Variants in GPR158 observed in about 807,000 individuals in gnomAD.
GPR158 encodes the protein metabotropic glycine receptor.
Under a neutral mutation model 78.2 loss-of-function variants are expected in GPR158, and 30 were observed. The observed-to-expected ratio is 0.38, with a 90% CI of 0.29 to 0.52. GPR158 has a LOEUF of 0.52. GPR158 is among the 20% of genes least tolerant of loss of function. The pLI, the probability that GPR158 is intolerant of heterozygous loss-of-function variation, is 0.83. For synonymous variants in GPR158, 581 were observed against 591.1 expected (o/e 0.98, Z 0.25); for missense variants, 1,463 against 1,523.5 (o/e 0.96, Z 0.66).
At chr10:25,278,051 G>C (rs1276129682) in intron 2 of GPR158, among the ~76,000 whole-genome samples, 1 of 152,110 alleles carries the variant, frequency 6.6e-6, no homozygotes, top group Non-Finnish European at 1.5e-5. Flanking sequence ...AAAATTCCTA[G>C]GGACTGAGTT....
chr10:25,473,954 T>C (rs932270433), intron 5 of GPR158, among the ~76,000 whole-genome samples: 2 of 152,098 alleles, frequency 1.3e-5, no homozygotes, highest in African/African-American at 4.8e-5. Context: ...AAAATGGACT[T>C]TGCTGATATG....
At chr10:25,565,271 TA>T (rs1286271504) in intron 6 of GPR158, among the ~76,000 whole-genome samples, 1 of 152,188 alleles carries the variant, frequency 6.6e-6, no homozygotes, top group Non-Finnish European at 1.5e-5. Context: ...GGAAGATTTA[TA>T]AGGGTACAGG....
At chr10:25,442,127 T>A (rs958810967) in intron 4 of GPR158, among the ~76,000 whole-genome samples, 3 of 152,196 alleles carry the variant, frequency 2.0e-5, no homozygotes, top group Admixed American at 2.0e-4. Flanking sequence ...GGAAAGCCCT[T>A]GATTAAACTA....
At chr10:25,311,231 G>T (rs1438750407) in intron 2 of GPR158, among the ~76,000 whole-genome samples, 1 of 151,002 alleles carries the variant, frequency 6.6e-6, no homozygotes, top group East Asian at 1.9e-4. Context: ...ATTTTTTTTG[G>T]AATAGTATCA....
In GPR158 at chr10:25,599,303, G is replaced by C. The variant is rs1304754825; in HGVS notation, c.*29G>C. 2 of 1,506,320 alleles carry C rather than the reference G, an allele frequency of 1.3e-6. No homozygotes were observed. Among genetic ancestry groups the C allele is most frequent in the East Asian group, 2.3e-5 (1 of 44,164 alleles). 93.3% of individuals were successfully genotyped at this position (1,506,320 alleles called of 1,614,324 possible). A position where few individuals can be genotyped will look rare whatever the true frequency, so the allele number is the denominator to read the frequency against. ...CTCCAGGAAGAAGAGGAAAAGGAGG[G>C]AACCCCGGATTGGATATGAGACAGA... On this transcript the variant is annotated 3_prime_UTR_variant, in exon 11 of 11. Transcript: ENST00000376351.
intron 2 of GPR158, among the ~76,000 whole-genome samples, chr10:25,262,784 T>C (rs1452822721): frequency 1.3e-5 from 2 of 152,220 alleles, no homozygotes; most frequent in African/African-American, 4.8e-5. Flanking sequence ...CATTCTACTA[T>C]AGATGTTGGC....
chr10:25,489,642 A>G (rs559345678), intron 5 of GPR158, among the ~76,000 whole-genome samples: 4 of 152,134 alleles, frequency 2.6e-5, no homozygotes, highest in East Asian at 1.9e-4. Flanking sequence ...TAGCTTCTCA[A>G]TGTCCTCCAG....
chr10:25,574,146 C>CAAAAA (rs34285790), intron 7 of GPR158, among the ~76,000 whole-genome samples: 2 of 62,316 alleles, frequency 3.2e-5, no homozygotes, highest in Non-Finnish European at 5.6e-5. Flanking sequence ...TTCTGTTTTA[C>CAAAAA]AAAAAAAAAA....
chr10:25,496,948 G>A (rs1835889741), intron 5 of GPR158, among the ~76,000 whole-genome samples: 1 of 152,200 alleles, frequency 6.6e-6, no homozygotes. Flanking sequence ...GAGAAAGAGA[G>A]AATCCTGTGG....
intron 2 of GPR158, among the ~76,000 whole-genome samples, chr10:25,356,531 T>C (rs534322005): frequency 3.9e-4 from 60 of 152,152 alleles, no homozygotes; most frequent in Non-Finnish European, 2.9e-4. Context: ...GATTGAATCA[T>C]GGGGGAGAGC....
intron 7 of GPR158, among the ~76,000 whole-genome samples, chr10:25,588,730 C>G (rs572598436): frequency 6.6e-6 from 1 of 152,206 alleles, no homozygotes; most frequent in South Asian, 2.1e-4. Context: ...TCAGAAAAAG[C>G]AAGGTATTAT....
chr10:25,189,334 CTT>C (rs1852736492), intron 1 of GPR158, among the ~76,000 whole-genome samples: 1 of 152,206 alleles, frequency 6.6e-6, no homozygotes, highest in African/African-American at 2.4e-5. Context: ...CACATGCACA[CTT>C]GTATTTATTG....
chr10:25,543,128 T>TAA (rs1836610672), intron 5 of GPR158, among the ~76,000 whole-genome samples: 5 of 141,648 alleles, frequency 3.5e-5, no homozygotes, highest in Non-Finnish European at 7.7e-5. Context: ...TTATTTTTAT[T>TAA]TTTATTTTTT....
intron 6 of GPR158, among the ~76,000 whole-genome samples, chr10:25,559,699 G>GA: frequency 6.6e-6 from 1 of 152,264 alleles, no homozygotes; most frequent in Non-Finnish European, 1.5e-5. Context: ...TTTATGTACA[G>GA]AAAAAATACT....
chr10:25,303,590 A>G (rs547533258), intron 2 of GPR158, among the ~76,000 whole-genome samples: 4 of 152,358 alleles, frequency 2.6e-5, no homozygotes, highest in South Asian at 4.1e-4. Flanking sequence ...TAATAAGTTA[A>G]TATGTGTTAT....
At chr10:25,575,795 G>GA (rs547621113) in intron 7 of GPR158, among the ~76,000 whole-genome samples, 2 of 150,662 alleles carry the variant, frequency 1.3e-5, no homozygotes, top group African/African-American at 2.4e-5. Flanking sequence ...ACTTCTACTT[G>GA]AAAAAAAATA....
intron 1 of GPR158, among the ~76,000 whole-genome samples, chr10:25,220,650 T>C (rs1410813367): frequency 6.6e-6 from 1 of 152,168 alleles, no homozygotes; most frequent in Non-Finnish European, 1.5e-5. Context: ...CAATGGGAAA[T>C]AGAAGTAGAA....
At chr10:25,583,072 G>T (rs1359026789) in intron 7 of GPR158, among the ~76,000 whole-genome samples, 1 of 152,158 alleles carries the variant, frequency 6.6e-6, no homozygotes, top group East Asian at 1.9e-4. Flanking sequence ...CTGCTCACAG[G>T]GCGAGTGCAG....
chr10:25,353,597 G>A (rs1427299009), intron 2 of GPR158, among the ~76,000 whole-genome samples: 1 of 151,988 alleles, frequency 6.6e-6, no homozygotes, highest in African/African-American at 2.4e-5. Context: ...GGGATTAGAG[G>A]AGGATCTTCT....
Sources: gnomAD v4.1 joint callset for allele counts (sites outside exome capture counted in the v4.1 genomes callset) on GRCh38, gnomAD v4.1.1 for gene constraint, MANE v1.5 for transcripts, NCBI Gene and HGNC (gene_info 2026-07-23, HGNC 2026-07-21) for gene names.